Variants in DEAF1 observed in about 807,000 individuals in gnomAD.
The protein encoded by DEAF1 is deformed epidermal autoregulatory factor 1 homolog.
DEAF1 carries 53 observed loss-of-function variants against 58.9 expected under a neutral mutation model. That is an observed-to-expected ratio of 0.90 (90% confidence interval 0.72 to 1.13). The LOEUF (loss-of-function observed/expected upper bound fraction) is 1.13, where lower values mean the gene tolerates loss of function less well. Among genes scored for constraint, DEAF1 ranks in the 50% most tolerant of loss-of-function variants. The pLI, the probability that DEAF1 is intolerant of heterozygous loss-of-function variation, is 0.00. For synonymous variants in DEAF1, 385 were observed against 340.4 expected (o/e 1.13, Z -1.44); for missense variants, 685 against 791.4 (o/e 0.87, Z 1.61).
At chr11:651,160 A>C (rs2133279929) in intron 11 of DEAF1, 1 of 156,522 alleles carries the variant, frequency 6.4e-6, no homozygotes, top group African/African-American at 2.4e-5. Context: ...ATGGGGTCTT[A>C]CCATGTTAGC....
At chr11:653,138 G>A (rs2133286046) in intron 11 of DEAF1, among the ~76,000 whole-genome samples, 1 of 146,312 alleles carries the variant, frequency 6.8e-6, no homozygotes, top group Non-Finnish European at 1.5e-5. Flanking sequence ...CGAGTACTCT[G>A]ATTATGGTAG....
Position 691,559 on chromosome 11 carries a change from G to A in DEAF1, c.329C>T (p.Ala110Val). The change falls in exon 2 of 12, where the codon GCA becomes GTA. Residue 110 changes from alanine to valine, a missense_variant. Ala to Val is a moderately conservative substitution (Grantham distance 64). Coordinates refer to ENST00000382409, the MANE Select transcript of DEAF1 (RefSeq NM_021008.4). ...CACAGACGTGGTGAAGACATTGTCT[G>A]CAGCAGCCCCCACGTTGGCCACTGT... ...TVTVANVGAA[A>V]DNVFTTSVAN... 6.2e-7 allele frequency: 1 copy of A among 1,613,794 alleles called. No homozygotes were observed. Among genetic ancestry groups the A allele is most frequent in the Non-Finnish European group, 8.5e-7 (1 of 1,180,004 alleles).
rs192961112 is a variant in DEAF1 at position 664,220 on chromosome 11, A to G, written c.1504-10169T>C. 9.6e-4 allele frequency among the ~76,000 whole-genome samples: 146 copies of G among 152,196 alleles called. 1 individual carries two copies. Among genetic ancestry groups the G allele is most frequent in the African/African-American group, 3.3e-3 (138 of 41,530 alleles). ...AAGAGCGAAACTCTGTCTCAAGAAA[A>G]AAAGAAAAAGAAAAAAAAGAAAAAA... On this transcript the variant is annotated intron_variant, in intron 10 of 11. Coordinates refer to ENST00000382409, the MANE Select transcript of DEAF1 (RefSeq NM_021008.4).
intron 6 of DEAF1, among the ~76,000 whole-genome samples, chr11:681,576 AG>A (rs1393884783): frequency 2.0e-5 from 3 of 151,728 alleles, no homozygotes; most frequent in African/African-American, 7.3e-5. Context: ...AAGCCTGGCT[AG>A]TGTTTTGTAT....
At chr11:664,078 T>C (rs1859430672) in intron 10 of DEAF1, among the ~76,000 whole-genome samples, 1 of 152,050 alleles carries the variant, frequency 6.6e-6, no homozygotes, top group South Asian at 2.1e-4. Flanking sequence ...CCAGGCGTGG[T>C]GGCACATGCC....
intron 11 of DEAF1, among the ~76,000 whole-genome samples, chr11:649,585 T>C (rs949542069): frequency 6.6e-6 from 1 of 151,682 alleles, no homozygotes. Flanking sequence ...CCGGGTCTGA[T>C]GGCACACTCC....
chr11:674,746 C>T lies in DEAF1; in HGVS notation c.1293G>A (p.Pro431=), dbSNP rs754832756. 11 of 1,613,370 alleles carry T rather than the reference C, an allele frequency of 6.8e-6. No homozygotes were observed. The highest frequency in any genetic ancestry group is 7.6e-6 in the Non-Finnish European group (9 of 1,180,018). ...CGGGAGGTGCCGCTTTGGTGGGAGT[C>T]GGGGGTGGGACCGCCAGCGCAGGCA... ...TSLPALAVPP[P]TPTKAAPPAL... The change falls in exon 10 of 12, where the codon CCG becomes CCA. Residue 431 remains proline, a synonymous_variant. Transcript: ENST00000382409.
chr11:668,273 A>G (rs1056484977), intron 10 of DEAF1, among the ~76,000 whole-genome samples: 1 of 152,236 alleles, frequency 6.6e-6, no homozygotes, highest in African/African-American at 2.4e-5. Context: ...TTTAGGTTGA[A>G]GAAAAACAAG....
At chr11:674,867 G>A (rs1055177225) in intron 9 of DEAF1, 84 bp from the exon 10 acceptor site, 17 of 1,578,628 alleles carry the variant, frequency 1.1e-5, no homozygotes, top group Admixed American at 8.4e-5. Context: ...ATTCTCAGCC[G>A]GGCGCGGTGG....
intron 10 of DEAF1, among the ~76,000 whole-genome samples, chr11:662,303 G>C (rs760790400): frequency 2.6e-5 from 4 of 152,306 alleles, no homozygotes; most frequent in South Asian, 4.1e-4. Context: ...AAAAAATTAT[G>C]AGATTTTTAA....
At chr11:671,925 C>T (rs1257900290) in intron 10 of DEAF1, among the ~76,000 whole-genome samples, 10 of 151,876 alleles carry the variant, frequency 6.6e-5, no homozygotes, top group Non-Finnish European at 8.8e-5. Context: ...TTCTGCTCGC[C>T]TGTCACCATT....
At position 662,675 on chromosome 11, in the gene DEAF1, C is replaced by G. The variant is rs1859369057; in HGVS notation, c.1504-8624G>C. 3.3e-5 allele frequency among the ~76,000 whole-genome samples: 5 copies of G among 152,282 alleles called. No homozygotes were observed. The South Asian group carries it at 1.0e-3, about 32-fold the overall frequency. On this transcript the variant is annotated intron_variant, in intron 10 of 11. Coordinates refer to ENST00000382409, the MANE Select transcript of DEAF1 (RefSeq NM_021008.4). ...CGTAAGATACCTGTGGAGCTGATCT[C>G]AAAGAAATCTCCACATCTAATTCAG...
intron 1 of DEAF1, chr11:700,661 T>C (rs1459968531): frequency 6.2e-7 from 1 of 1,614,188 alleles, no homozygotes; most frequent in Admixed American, 1.7e-5. Flanking sequence ...TCGATCTTGC[T>C]CTGCTGTTTC....
rs202097622 is a variant in DEAF1 at position 704,033 on chromosome 11, T to C, written c.-438+2539A>G. 115 of 1,193,284 alleles carry C rather than the reference T, an allele frequency of 9.6e-5. No homozygotes were observed. The East Asian group carries it at 3.8e-3, about 39-fold the overall frequency. The allele number at this position is 1,193,284 out of a possible 1,614,324, so 73.9% of individuals were successfully genotyped here. On this transcript the variant is annotated intron_variant, in intron 1 of 11. Coordinates refer to the DEAF1 transcript ENST00000683307. ...TAGCTTTCCCTTCACTTGATTCTATTGTGTGTTTTCTATGTTTGGAATAAT... is the reference window on the plus strand; with the variant it reads ...TAGCTTTCCCTTCACTTGATTCTATCGTGTGTTTTCTATGTTTGGAATAAT...
intron 6 of DEAF1, 135 bp downstream of exon 6, chr11:684,763 G>T: frequency 1.3e-6 from 1 of 776,906 alleles, no homozygotes; most frequent in Non-Finnish European, 2.3e-6. Flanking sequence ...GAGCAACCCA[G>T]GAGAAGTGAG....
At position 687,898 on chromosome 11, in the gene DEAF1, T is replaced by C. The variant is rs1223177538; in HGVS notation, c.664+13A>G. On this transcript the variant is annotated intron_variant, in intron 4 of 11. Coordinates refer to ENST00000382409, the MANE Select transcript of DEAF1 (RefSeq NM_021008.4). ...GGGAATACAACTTTGGAGTCTGAAGTGGCAGTCCTCACCTGAGCCGAGCCT... is the reference window on the plus strand; with the variant it reads ...GGGAATACAACTTTGGAGTCTGAAGCGGCAGTCCTCACCTGAGCCGAGCCT... 6 of 1,613,896 alleles carry C rather than the reference T, an allele frequency of 3.7e-6. No homozygotes were observed. The highest frequency in any genetic ancestry group is 5.1e-6 in the Non-Finnish European group (6 of 1,180,010).
intron 11 of DEAF1, chr11:651,461 AAAG>A (rs1392186177): frequency 6.6e-5 from 20 of 303,156 alleles, no homozygotes; most frequent in African/African-American, 2.1e-4. Context: ...TTATTGAGAC[AAAG>A]AAGGATGTTT....
chr11:648,638 G>A (rs1192651489), intron 11 of DEAF1, among the ~76,000 whole-genome samples: 1 of 152,102 alleles, frequency 6.6e-6, no homozygotes, highest in Non-Finnish European at 1.5e-5. Flanking sequence ...TGCTTATATT[G>A]GGGCCCAAAT....
upstream of DEAF1, chr11:695,483 G>C (rs1861085065): frequency 1.4e-6 from 1 of 735,472 alleles, no homozygotes; most frequent in South Asian, 7.0e-5. Flanking sequence ...GATTCTCGCC[G>C]GCGGCCGGCG....
Sources: gnomAD v4.1 joint callset for allele counts (sites outside exome capture counted in the v4.1 genomes callset) on GRCh38, gnomAD v4.1.1 for gene constraint, MANE v1.5 for transcripts, NCBI Gene and HGNC (gene_info 2026-07-23, HGNC 2026-07-21) for gene names.